AK4: variants seen among roughly 807,000 people sequenced by gnomAD.
AK4 encodes adenylate kinase 4, mitochondrial.
In AK4, 13 loss-of-function variants were observed where a neutral mutation model predicts 24.6. The observed-to-expected ratio is 0.53, with a 90% CI of 0.34 to 0.84. AK4 has a LOEUF of 0.84. AK4 is among the 40% of genes least tolerant of loss of function. AK4 has a pLI of 0.01. For synonymous variants in AK4, 88 were observed against 107.0 expected, an observed-to-expected ratio of 0.82 and a Z score of 1.10; for missense variants, 192 against 288.2, an observed-to-expected ratio of 0.67 and a Z score of 2.42.
intron 1 of AK4, among the ~76,000 whole-genome samples, chr1:65,174,486 CT>C (rs1439314424): frequency 6.6e-6 from 1 of 152,030 alleles, no homozygotes; most frequent in Admixed American, 6.6e-5. Flanking sequence ...AATTTGCCTT[CT>C]TTTTTCTTTT....
intron 1 of AK4, among the ~76,000 whole-genome samples, chr1:65,171,548 G>C (rs2101009652): frequency 6.6e-6 from 1 of 151,914 alleles, no homozygotes; most frequent in Non-Finnish European, 1.5e-5. Context: ...CTCCTGATCT[G>C]CCCACCTCGG....
intron 1 of AK4, among the ~76,000 whole-genome samples, chr1:65,173,723 C>T (rs186510980): frequency 6.4e-4 from 97 of 152,128 alleles, no homozygotes; most frequent in African/African-American, 2.2e-3. Context: ...ATTAGCCAGG[C>T]GTGGTAGCGC....
intron 1 of AK4, among the ~76,000 whole-genome samples, chr1:65,151,107 C>T (rs907824383): frequency 2.0e-5 from 3 of 152,128 alleles, no homozygotes; most frequent in Admixed American, 6.5e-5. Flanking sequence ...GCGTCTGCCA[C>T]CACGCCCGGC....
intron 2 of AK4, among the ~76,000 whole-genome samples, chr1:65,206,146 TCCTCCCCTATC>T (rs1305856349): frequency 6.6e-6 from 1 of 152,170 alleles, no homozygotes; most frequent in Non-Finnish European, 1.5e-5. Context: ...GATTTTCCAT[TCCTCCCCTATC>T]CCTCCACCCC....
rs1649644043 is a variant in AK4, at chr1:65,148,476, G to C, written c.69G>C (p.Gln23His). 1 of 1,576,674 alleles carries C rather than the reference G, an allele frequency of 6.3e-7. No individual in the cohort carries two copies. The change falls in exon 1 of 5, where the codon CAG (glutamine) becomes CAC (histidine). Residue 23 changes from glutamine (Q) to histidine (H), a missense_variant. By Grantham distance (24) the Gln-to-His change is conservative. Transcript: ENST00000327299. ...PPGSGKGTVC[Q>H]RIAQNFGLQH... Reference sequence around the variant, plus strand: ...GCTCGGGCAAGGGCACCGTGTGCCAGAGGATCGCCCAGAACTTTGGTCTCC... The same window carrying C: ...GCTCGGGCAAGGGCACCGTGTGCCACAGGATCGCCCAGAACTTTGGTCTCC...
chr1:65,203,663 G>A (rs1014229513), intron 2 of AK4, among the ~76,000 whole-genome samples: 5 of 152,078 alleles, frequency 3.3e-5, no homozygotes, highest in African/African-American at 1.2e-4. Flanking sequence ...AATTAGCCAG[G>A]CGTGGTGGTG....
chr1:65,224,270 A>T (rs1014318250), intron 3 of AK4, among the ~76,000 whole-genome samples: 52 of 152,266 alleles, frequency 3.4e-4, no homozygotes, highest in African/African-American at 1.2e-3. Context: ...TCCAGAATAG[A>T]ATTGGAAAGC....
chr1:65,186,096 A>T (rs367685067), intron 1 of AK4, among the ~76,000 whole-genome samples: 17 of 152,186 alleles, frequency 1.1e-4, no homozygotes, highest in African/African-American at 4.1e-4. Context: ...CAGGGTGTTC[A>T]TTCATGCAAC....
Position 65,230,380 on chromosome 1 carries a change from C to G in AK4, c.*4203C>G, listed in dbSNP as rs1652604958. 6.6e-6 allele frequency: 1 copy of G among 152,174 alleles called. No individual in the cohort carries two copies. The allele number at this position is 152,174 out of a possible 1,614,324, so 9.4% of individuals were successfully genotyped here. A position where few individuals can be genotyped will look rare whatever the true frequency, so the allele number is the denominator to read the frequency against. On this transcript the variant is annotated 3_prime_UTR_variant, in exon 5 of 5. Coordinates refer to ENST00000327299, the MANE Select transcript of AK4 (RefSeq NM_013410.4). ...TTTTATAAAGTTTAGTTCACCGGAACCTGAGTTCAGTATTTGACATTAGCT... is the reference window on the plus strand; with the variant it reads ...TTTTATAAAGTTTAGTTCACCGGAAGCTGAGTTCAGTATTTGACATTAGCT...
At chr1:65,216,239 T>C (rs907901298) in intron 2 of AK4, among the ~76,000 whole-genome samples, 2 of 152,068 alleles carry the variant, frequency 1.3e-5, no homozygotes, top group Non-Finnish European at 2.9e-5. Context: ...TTCAAGCAAT[T>C]CTCGTACCTC....
In AK4 at chr1:65,152,698, C is replaced by T. The variant is rs562270672; in HGVS notation, c.145+4146C>T. 1.4e-4 allele frequency among the ~76,000 whole-genome samples: 21 copies of T among 152,064 alleles called. 1 individual carries two copies. In the East Asian group the frequency reaches 4.1e-3, roughly 29 times the overall value. On this transcript the variant is annotated intron_variant, in intron 1 of 4. Coordinates refer to ENST00000327299, the MANE Select transcript of AK4 (RefSeq NM_013410.4). ...ACAGGCGTGAGCCACCGCACCTGGCCTCTGCTTCTCAATATTAACTGCAGC... is the reference window on the plus strand; with the variant it reads ...ACAGGCGTGAGCCACCGCACCTGGCTTCTGCTTCTCAATATTAACTGCAGC...
chr1:65,167,503 A>T (rs1357748018), intron 1 of AK4, among the ~76,000 whole-genome samples: 5 of 141,248 alleles, frequency 3.5e-5, no homozygotes, highest in Admixed American at 1.4e-4. Context: ...GGCTTAGTTT[A>T]AAAAAAAAAA....
rs1250954260 is a variant in AK4, at chr1:65,173,552, A to C, written c.146-17158A>C. On this transcript the variant is annotated intron_variant, in intron 1 of 4. Coordinates refer to ENST00000327299, the MANE Select transcript of AK4 (RefSeq NM_013410.4). ...AAGGCTGCCCTTTCTGTATGACTTCATCCCATGTTGGACCCGACCCTCCTT... is the reference window on the plus strand; with the variant it reads ...AAGGCTGCCCTTTCTGTATGACTTCCTCCCATGTTGGACCCGACCCTCCTT... 3.9e-5 allele frequency among the ~76,000 whole-genome samples: 6 copies of C among 152,202 alleles called. No individual in the cohort carries two copies. The South Asian group carries it at 1.2e-3, about 32-fold the overall frequency.
intron 2 of AK4, among the ~76,000 whole-genome samples, 165 bp from the exon 3 acceptor site, chr1:65,218,589 A>T (rs1451445235): frequency 1.3e-5 from 2 of 152,344 alleles, no homozygotes; most frequent in East Asian, 3.9e-4. Flanking sequence ...TGGATTTATT[A>T]TGTGGTGCTA....
intron 1 of AK4, among the ~76,000 whole-genome samples, chr1:65,163,865 G>A (rs548338915): frequency 6.6e-6 from 1 of 152,124 alleles, no homozygotes; most frequent in Non-Finnish European, 1.5e-5. Flanking sequence ...GGAATCATAG[G>A]GGGTGGAAGT....
intron 4 of AK4, among the ~76,000 whole-genome samples, chr1:65,225,828 A>G (rs896776913): frequency 2.6e-5 from 4 of 152,166 alleles, no homozygotes; most frequent in Non-Finnish European, 5.9e-5. Context: ...GATATGTTTT[A>G]AAGGGGGAGA....
At chr1:65,153,551 G>A (rs1267364109) in intron 1 of AK4, among the ~76,000 whole-genome samples, 10 of 152,164 alleles carry the variant, frequency 6.6e-5, no homozygotes. Flanking sequence ...GATTACAGGT[G>A]TGAGTCACCA....
intron 1 of AK4, among the ~76,000 whole-genome samples, chr1:65,187,302 C>T (rs1457263340): frequency 2.1e-5 from 3 of 145,128 alleles, no homozygotes; most frequent in Admixed American, 7.0e-5. Flanking sequence ...GAGCCGAGAT[C>T]GCGCCACTGC....
rs998618279 is a variant in AK4, at chr1:65,231,335, TTGTG to T, written c.*5167_*5170del. On this transcript the variant is annotated 3_prime_UTR_variant, in exon 5 of 5. Transcript: ENST00000327299. ...AGGGAGTTCCCCAATTTGATCATTT[TTGTG>T]TGTGTGTGGTGTGTGTGTGAGAGAG... 6.6e-6 allele frequency: 1 copy of T among 152,536 alleles called. No homozygotes were observed. The highest frequency in any genetic ancestry group is 1.5e-5 in the Non-Finnish European group (1 of 68,320). The allele number at this position is 152,536 out of a possible 1,614,324, so 9.4% of individuals were successfully genotyped here. A position where few individuals can be genotyped will look rare whatever the true frequency, so the allele number is the denominator to read the frequency against.
Sources: allele counts gnomAD v4.1 joint callset (sites outside exome capture counted in the v4.1 genomes callset), GRCh38; gene constraint gnomAD v4.1.1; transcripts MANE v1.5; gene names NCBI Gene and HGNC (gene_info 2026-07-23, HGNC 2026-07-21).